The following CSMD1 variants were observed in gnomAD, a reference collection of about 807,000 sequenced individuals.
CSMD1 encodes CUB and sushi domain-containing protein 1.
Under a neutral mutation model 417.5 loss-of-function variants are expected in CSMD1, and 213 were observed. That is an observed-to-expected ratio of 0.51 (90% CI 0.46 to 0.57). The LOEUF (loss-of-function observed/expected upper bound fraction) is 0.57, where lower values mean the gene tolerates loss of function less well. Ranked by LOEUF, CSMD1 falls within the 20% of genes least tolerant of loss-of-function variation. The pLI is 0.00. For missense variants in CSMD1, 6,923 were observed against 4,529.7 expected (o/e 1.53, Z -15.17); for synonymous variants, 2,862 against 1,736.8 (o/e 1.65, Z -16.11).
intron 10 of CSMD1, among the ~76,000 whole-genome samples, chr8:3,530,140 T>A (rs772347609): frequency 3.3e-5 from 5 of 152,156 alleles, no homozygotes; most frequent in Non-Finnish European, 7.4e-5. Context: ...TTTAAGTTCA[T>A]TTTCTCTGTT....
intron 1 of CSMD1, among the ~76,000 whole-genome samples, chr8:4,734,314 T>G (rs1354945571): frequency 1.2e-4 from 18 of 152,144 alleles, no homozygotes; most frequent in Admixed American, 2.0e-4. Context: ...AATTATTGTT[T>G]ATGGATGTGA....
At chr8:3,410,763 G>A (rs1314825970) in intron 12 of CSMD1, among the ~76,000 whole-genome samples, 1 of 152,090 alleles carries the variant, frequency 6.6e-6, no homozygotes, top group East Asian at 1.9e-4. Context: ...TTTTGAGACA[G>A]GATCTCACTC....
rs1233967262 is a variant in CSMD1, at chr8:3,995,061, C to G, written c.818+2842G>C. Reference sequence around the variant, plus strand: ...CTATGCAATTCGGGAATGGGGAAACCTTTTAAATACACCAATTTGATTCAT... The same window carrying G: ...CTATGCAATTCGGGAATGGGGAAACGTTTTAAATACACCAATTTGATTCAT... On this transcript the variant is annotated intron_variant, in intron 5 of 69. Transcript: ENST00000635120. Among the ~76,000 whole-genome samples the G allele has an allele frequency of 5.3e-5, 8 of 152,108 alleles. No individual in the cohort carries two copies. The South Asian group carries it at 1.7e-3, about 32-fold the overall frequency.
chr8:4,629,057 G>A (rs1201367303), intron 2 of CSMD1, among the ~76,000 whole-genome samples: 1 of 152,074 alleles, frequency 6.6e-6, no homozygotes, highest in African/African-American at 2.4e-5. Flanking sequence ...CTTAACTAGT[G>A]AGAGTTATTG....
chr8:3,672,353 G>C (rs1272928525), intron 7 of CSMD1, among the ~76,000 whole-genome samples: 2 of 49,770 alleles, frequency 4.0e-5, no homozygotes, highest in Non-Finnish European at 7.8e-5. Flanking sequence ...TTCAGTTGTA[G>C]TGTGTGTCGG....
intron 1 of CSMD1, among the ~76,000 whole-genome samples, chr8:4,670,527 G>A (rs1805229490): frequency 6.6e-6 from 1 of 152,138 alleles, no homozygotes; most frequent in Non-Finnish European, 1.5e-5. Context: ...CTAACTGCAA[G>A]GGATACTGTG....
chr8:3,040,809 A>G (rs1159261469), intron 50 of CSMD1, among the ~76,000 whole-genome samples: 5 of 140,908 alleles, frequency 3.5e-5, no homozygotes. Flanking sequence ...GCTCAAAATA[A>G]TAATAATAAG....
At chr8:3,578,792 C>G (rs1406758121) in intron 9 of CSMD1, among the ~76,000 whole-genome samples, 1 of 152,176 alleles carries the variant, frequency 6.6e-6, no homozygotes, top group Non-Finnish European at 1.5e-5. Context: ...CTTTCCTTCC[C>G]TTAGCTTCTG....
intron 3 of CSMD1, among the ~76,000 whole-genome samples, chr8:4,064,259 C>G (rs1799128741): frequency 6.6e-6 from 1 of 152,202 alleles, no homozygotes; most frequent in Admixed American, 6.5e-5. Context: ...TACTTGACGT[C>G]AGTCTTCCCT....
At chr8:4,925,999 T>A (rs1806843947) in intron 1 of CSMD1, among the ~76,000 whole-genome samples, 1 of 152,216 alleles carries the variant, frequency 6.6e-6, no homozygotes, top group Non-Finnish European at 1.5e-5. Context: ...TCTTTCCAGG[T>A]TATATTTAAT....
intron 1 of CSMD1, among the ~76,000 whole-genome samples, chr8:4,850,731 C>T (rs1801425979): frequency 6.6e-6 from 1 of 151,996 alleles, no homozygotes; most frequent in Admixed American, 6.6e-5. Flanking sequence ...CAGTTGTGTG[C>T]ACTCATTGTT....
rs183715861 is a variant in CSMD1 at position 3,732,931 on chromosome 8, T to C, written c.931+20999A>G. 3.4e-3 allele frequency among the ~76,000 whole-genome samples: 521 copies of C among 152,264 alleles called. 3 individuals carry two copies. Among genetic ancestry groups the C allele is most frequent in the South Asian group, 0.017 (84 of 4,824 alleles). ...CTATCATCTATCATACAACTATTTA[T>C]CTATCCATTATCTATCTATCTACTT... is the stretch of plus-strand genomic sequence containing the variant. On this transcript the variant is annotated intron_variant, in intron 6 of 69. Transcript: ENST00000635120.
At chr8:4,834,355 C>T (rs1800331239) in intron 1 of CSMD1, among the ~76,000 whole-genome samples, 1 of 152,080 alleles carries the variant, frequency 6.6e-6, no homozygotes, top group South Asian at 2.1e-4. Flanking sequence ...AACGCATCAT[C>T]TGTAGGAAGA....
intron 27 of CSMD1, among the ~76,000 whole-genome samples, chr8:3,225,970 T>C (rs1452388758): frequency 6.6e-6 from 1 of 152,232 alleles, no homozygotes. Context: ...CCAACCCTTT[T>C]ACAAAACCTT....
chr8:3,276,801 C>A (rs1038862917), intron 26 of CSMD1, among the ~76,000 whole-genome samples: 3 of 152,036 alleles, frequency 2.0e-5, no homozygotes, highest in African/African-American at 7.2e-5. Context: ...AACATTTATG[C>A]ACGTGGAAAA....
intron 1 of CSMD1, among the ~76,000 whole-genome samples, chr8:4,968,209 G>A (rs927099119): frequency 2.0e-5 from 3 of 151,922 alleles, no homozygotes; most frequent in African/African-American, 4.8e-5. Flanking sequence ...TGGTATTTTA[G>A]AATCAGGGTT....
At chr8:2,948,019 T>G (rs762395402) in intron 68 of CSMD1, among the ~76,000 whole-genome samples, 2 of 151,896 alleles carry the variant, frequency 1.3e-5, no homozygotes, top group Non-Finnish European at 2.9e-5. Flanking sequence ...TCATCAGTGG[T>G]AATCATTACA....
At chr8:3,848,734 G>A (rs1408207832) in intron 5 of CSMD1, among the ~76,000 whole-genome samples, 1 of 151,962 alleles carries the variant, frequency 6.6e-6, no homozygotes, top group Admixed American at 6.6e-5. Context: ...GGTCTTTTAG[G>A]TGGTCCTGAA....
intron 3 of CSMD1, among the ~76,000 whole-genome samples, chr8:4,167,249 G>A (rs571843201): frequency 6.6e-6 from 1 of 152,100 alleles, no homozygotes; most frequent in South Asian, 2.1e-4. Flanking sequence ...GTCTTCGAAG[G>A]TGAGAAAAAC....
Sources: allele counts gnomAD v4.1 joint callset (sites outside exome capture counted in the v4.1 genomes callset), GRCh38; gene constraint gnomAD v4.1.1; transcripts MANE v1.5; gene names NCBI Gene and HGNC (gene_info 2026-07-23, HGNC 2026-07-21).